The following AGBL4 variants were observed in gnomAD, a reference collection of about 807,000 sequenced individuals.
The protein encoded by AGBL4 is cytosolic carboxypeptidase 6.
AGBL4 carries 58 observed loss-of-function variants against 66.4 expected under a neutral mutation model. The observed-to-expected ratio is 0.87, with a 90% CI of 0.71 to 1.09. AGBL4 has a LOEUF of 1.09. Ranked by LOEUF, AGBL4 falls within the 50% of genes least tolerant of loss-of-function variation. The pLI, the probability that AGBL4 is intolerant of heterozygous loss-of-function variation, is 0.00. For missense variants in AGBL4, 579 were observed against 631.0 expected (o/e 0.92, Z 0.88); for synonymous variants, 234 against 222.9 (o/e 1.05, Z -0.44).
intron 3 of AGBL4, among the ~76,000 whole-genome samples, chr1:49,295,425 G>C (rs1644623293): frequency 6.6e-6 from 1 of 152,102 alleles, no homozygotes; most frequent in African/African-American, 2.4e-5. Flanking sequence ...AAGACTTTGA[G>C]GAAAAGTAAG....
chr1:49,603,186 G>A (rs1161818014), intron 3 of AGBL4, among the ~76,000 whole-genome samples: 1 of 152,148 alleles, frequency 6.6e-6, no homozygotes, highest in East Asian at 1.9e-4. Context: ...GGAAGTGGTG[G>A]TAAAGGAGAG....
At chr1:49,202,079 A>T (rs761846300) in intron 4 of AGBL4, among the ~76,000 whole-genome samples, 1 of 152,178 alleles carries the variant, frequency 6.6e-6, no homozygotes, top group East Asian at 1.9e-4. Flanking sequence ...TTAGCAGTAG[A>T]ATAACTGCTA....
chr1:48,612,229 C>T (rs921799063), intron 9 of AGBL4, among the ~76,000 whole-genome samples: 1 of 152,250 alleles, frequency 6.6e-6, no homozygotes, highest in Non-Finnish European at 1.5e-5. Flanking sequence ...TGTTCCAGAT[C>T]TTACGCTAGG....
chr1:48,864,047 T>C (rs908896945), intron 6 of AGBL4, among the ~76,000 whole-genome samples: 2 of 152,038 alleles, frequency 1.3e-5, no homozygotes, highest in Admixed American at 1.3e-4. Flanking sequence ...GCAATGTATA[T>C]AAGTGACACA....
intron 3 of AGBL4, among the ~76,000 whole-genome samples, chr1:49,604,537 A>G (rs1202530803): frequency 6.6e-6 from 1 of 152,134 alleles, no homozygotes; most frequent in Non-Finnish European, 1.5e-5. Context: ...GTTTACTTTG[A>G]TGACTATTTA....
At chr1:48,814,255 A>G (rs17104919) in intron 6 of AGBL4, among the ~76,000 whole-genome samples, 3,922 of 152,228 alleles carry the variant, frequency 0.026, 149 homozygotes, top group African/African-American at 0.089. Flanking sequence ...ACTTGCTAAC[A>G]TTAACATTTA....
At chr1:48,532,196 T>C (rs910169488), downstream of AGBL4, among the ~76,000 whole-genome samples, 2 of 152,214 alleles carry the variant, frequency 1.3e-5, no homozygotes, top group African/African-American at 4.8e-5. Flanking sequence ...ACAGCTACCA[T>C]TTAGTGAGCA....
At chr1:48,873,532 C>T (rs970654795) in intron 5 of AGBL4, among the ~76,000 whole-genome samples, 4 of 152,176 alleles carry the variant, frequency 2.6e-5, no homozygotes, top group Admixed American at 6.5e-5. Flanking sequence ...TGTGAGTTTC[C>T]TGAAGGCAGG....
chr1:49,504,701 T>C (rs1293558367), intron 3 of AGBL4, among the ~76,000 whole-genome samples: 2 of 152,062 alleles, frequency 1.3e-5, no homozygotes, highest in African/African-American at 2.4e-5. Context: ...CATATCTTTT[T>C]TCATCCCTTC....
At chr1:49,118,221 C>T (rs138400600) in intron 4 of AGBL4, among the ~76,000 whole-genome samples, 2 of 152,092 alleles carry the variant, frequency 1.3e-5, no homozygotes, top group Non-Finnish European at 2.9e-5. Context: ...TCTCTCTTGC[C>T]TGATTGCCCT....
Position 49,045,818 on chromosome 1 carries a change from A to G in AGBL4, c.378-18T>C. On this transcript the variant is annotated intron_variant, in intron 4 of 13. Coordinates refer to ENST00000371839, the MANE Select transcript of AGBL4 (RefSeq NM_032785.4). ...GCCTTTGCCTAAAATATATAAACAA[A>G]GAAATTTGGGCATATGAGACATTCG... is the stretch of plus-strand genomic sequence containing the variant. The G allele has an allele frequency of 6.5e-7, 1 of 1,542,310 alleles. No homozygotes were observed. The highest frequency in any genetic ancestry group is 8.8e-7 in the Non-Finnish European group (1 of 1,140,334).
chr1:48,766,111 G>A (rs920436710), intron 6 of AGBL4, among the ~76,000 whole-genome samples: 2 of 152,052 alleles, frequency 1.3e-5, no homozygotes, highest in African/African-American at 4.8e-5. Flanking sequence ...AAAAAATTAG[G>A]TTACCACTTG....
intron 3 of AGBL4, chr1:49,257,438 A>T (rs1003064942): frequency 6.4e-6 from 1 of 156,882 alleles, no homozygotes; most frequent in African/African-American, 2.4e-5. Flanking sequence ...CTGTGCTAGC[A>T]ATCAGCGAGA....
intron 2 of AGBL4, among the ~76,000 whole-genome samples, chr1:49,829,701 G>A (rs1364238432): frequency 1.3e-5 from 2 of 152,008 alleles, no homozygotes; most frequent in Non-Finnish European, 2.9e-5. Flanking sequence ...ATGTGCCACG[G>A]TGGTTTGATG....
At chr1:48,876,561 C>A (rs1041364194) in intron 5 of AGBL4, among the ~76,000 whole-genome samples, 2 of 152,112 alleles carry the variant, frequency 1.3e-5, no homozygotes, top group African/African-American at 4.8e-5. Context: ...TCAAAGCTGA[C>A]AAATGCCCAC....
Position 48,897,995 on chromosome 1 carries a change from T to C in AGBL4, c.595-30765A>G, listed in dbSNP as rs1373016348. Among the ~76,000 whole-genome samples the C allele has an allele frequency of 2.0e-5, 3 of 152,014 alleles. No homozygotes were observed. In the East Asian group the frequency reaches 5.8e-4, roughly 29 times the overall value. ...CGGCTAATTTTTTTTGTATTTTTAG[T>C]AGAGATGGGGTTTCACCATGTTGGC... On this transcript the variant is annotated intron_variant, in intron 5 of 13. Coordinates refer to ENST00000371839, the MANE Select transcript of AGBL4 (RefSeq NM_032785.4).
intron 3 of AGBL4, among the ~76,000 whole-genome samples, chr1:49,668,831 G>A (rs1447567648): frequency 6.6e-6 from 1 of 152,092 alleles, no homozygotes; most frequent in African/African-American, 2.4e-5. Context: ...TCCCCTAACA[G>A]GCAAGGAGGA....
chr1:48,938,061 A>G (rs1467059143), intron 5 of AGBL4, among the ~76,000 whole-genome samples: 1 of 152,208 alleles, frequency 6.6e-6, no homozygotes, highest in African/African-American at 2.4e-5. Context: ...CAATTACTGA[A>G]AGGATTAAAA....
At chr1:49,676,505 A>G (rs180869913) in intron 3 of AGBL4, among the ~76,000 whole-genome samples, 1 of 152,058 alleles carries the variant, frequency 6.6e-6, no homozygotes, top group Non-Finnish European at 1.5e-5. Flanking sequence ...TTCTTTCTCT[A>G]CTTAGGTTGT....
Sources: allele counts gnomAD v4.1 joint callset (sites outside exome capture counted in the v4.1 genomes callset), GRCh38; gene constraint gnomAD v4.1.1; transcripts MANE v1.5; gene names NCBI Gene and HGNC (gene_info 2026-07-23, HGNC 2026-07-21).